Variants in PITPNM1 observed in about 807,000 individuals in gnomAD.
PITPNM1 encodes the protein membrane-associated phosphatidylinositol transfer protein 1.
In PITPNM1, 74 loss-of-function variants were observed where a neutral mutation model predicts 133.3. That is an observed-to-expected ratio of 0.56 (90% CI 0.46 to 0.67). PITPNM1 has a LOEUF of 0.67. Among genes scored for constraint, PITPNM1 ranks in the 30% least tolerant of loss-of-function variants. The pLI is 0.00. For missense variants in PITPNM1, 1,398 were observed against 1,739.5 expected (o/e 0.80, Z 3.49); for synonymous variants, 738 against 741.4 (o/e 1.00, Z 0.08).
chr11:67,500,432 C>T lies in PITPNM1; in HGVS notation c.641-11G>A, dbSNP rs557415682. The T allele has an allele frequency of 5.0e-6, 8 of 1,602,032 alleles. No homozygotes were observed. The East Asian group carries it at 1.1e-4, about 22-fold the overall frequency. ...TCACCCGACGCAGACCTGCAGGTGC[C>T]CAGGCGTCAGAACTGCCCCCTCCCC... On this transcript the variant is annotated splice_polypyrimidine_tract_variant and intron_variant, in intron 5 of 23. Coordinates refer to ENST00000356404, the MANE Select transcript of PITPNM1 (RefSeq NM_004910.3).
Position 67,495,613 on chromosome 11 carries a change from G to C in PITPNM1, c.2318-11C>G. On this transcript the variant is annotated splice_polypyrimidine_tract_variant and intron_variant, in intron 15 of 23. Transcript: ENST00000356404. ...TCTGCAGAGTGTCGGCTGGGGGAAG[G>C]AGGGCAAGGTCAGCAGGGGCCGGCC... is the stretch of plus-strand genomic sequence containing the variant. 1 of 1,559,382 alleles carries C rather than the reference G, an allele frequency of 6.4e-7. No homozygotes were observed. The highest frequency in any genetic ancestry group is 8.6e-7 in the Non-Finnish European group (1 of 1,158,910).
At chr11:67,497,189 C>G (rs780988844) in intron 14 of PITPNM1, 42 bp downstream of exon 14, 2 of 1,500,268 alleles carry the variant, frequency 1.3e-6, no homozygotes, top group South Asian at 2.5e-5. Flanking sequence ...AAGGAAGGGG[C>G]AGACAGAGAC....
chr11:67,497,811 G>A, intron 12 of PITPNM1, 106 bp downstream of exon 12: 2 of 1,458,738 alleles, frequency 1.4e-6, no homozygotes, highest in South Asian at 2.3e-5. Flanking sequence ...TGGCAGGGCA[G>A]CAGGGGGCCT....
chr11:67,502,311 C>T lies in PITPNM1; in HGVS notation c.396G>A (p.Glu132=), dbSNP rs1316492155. ...QPNVFNLSGA[E]RRQRILDTID... is the part of the protein sequence containing the mutation. ...CCTCACCCAGGATGCGCTGTCTCCTCTCGGCCCCGCTCAGGTTGAAGACGT... is the reference window on the plus strand; with the variant it reads ...CCTCACCCAGGATGCGCTGTCTCCTTTCGGCCCCGCTCAGGTTGAAGACGT... Residue 132 remains glutamate, a synonymous_variant, in exon 4 of 24, where the codon GAG becomes GAA. Transcript: ENST00000356404. The surrounding 1 kb of genome is among the most constrained non-coding windows in gnomAD (Gnocchi z 5.9). The T allele has an allele frequency of 1.2e-6, 2 of 1,613,294 alleles. No individual in the cohort carries two copies. The highest frequency in any genetic ancestry group is 1.7e-6 in the Non-Finnish European group (2 of 1,180,028).
chr11:67,496,236 T>C lies in PITPNM1; in HGVS notation c.2259A>G (p.Pro753=), dbSNP rs773221614. The change falls in exon 15 of 24, where the codon CCA becomes CCG. Residue 753 remains proline, a synonymous_variant. Coordinates refer to ENST00000356404, the MANE Select transcript of PITPNM1 (RefSeq NM_004910.3). ...ACTTCTGGTAGCGGGGCACGGTCAG[T>C]GGGGCGATGGCCTGGAACTTCGGGG... ...LLAPKFQAIA[P]LTVPRYQKFP... is the part of the protein sequence containing the mutation. The C allele has an allele frequency of 6.4e-7, 1 of 1,555,896 alleles. No individual in the cohort carries two copies. The highest frequency in any genetic ancestry group is 2.1e-5 in the Admixed American group (1 of 47,094).
At chr11:67,497,758 G>T in intron 12 of PITPNM1, 79 bp from the exon 13 acceptor site, 2 of 1,570,710 alleles carry the variant, frequency 1.3e-6, no homozygotes, top group South Asian at 1.1e-5. Context: ...GAGGAGCGAG[G>T]CTTGGGGGTT....
chr11:67,502,362 G>A lies in PITPNM1; in HGVS notation c.345C>T (p.Tyr115=), dbSNP rs942666003. Residue 115 remains tyrosine (Y), a synonymous_variant, in exon 4 of 24, where the codon TAC becomes TAT. Coordinates refer to ENST00000356404, the MANE Select transcript of PITPNM1 (RefSeq NM_004910.3). The surrounding 1 kb of genome is among the most constrained non-coding windows in gnomAD (Gnocchi z 5.9). ...EKFSIEIETY[Y]LPDGGQQPNV... is the part of the protein sequence containing the mutation. ...TTGGCTGCTGCCCCCCATCAGGCAG[G>A]TAATAGGTCTCAATTTCAATGGAGA... 6.2e-7 allele frequency: 1 copy of A among 1,613,826 alleles called. No homozygotes were observed.
At position 67,498,484 on chromosome 11, in the gene PITPNM1, G is replaced by C; in HGVS notation, c.1484+112C>G. ...GGAGCCATTCTCCAGAACAGGTCCA[G>C]CCATGCCAGTGACCGACCCAGGTGT... On this transcript the variant is annotated intron_variant, in intron 10 of 23. Transcript: ENST00000356404. The surrounding 1 kb of genome is among the most constrained non-coding windows in gnomAD (Gnocchi z 5.7). 2.0e-6 allele frequency: 3 copies of C among 1,488,614 alleles called. No individual in the cohort carries two copies. Among genetic ancestry groups the C allele is most frequent in the Middle Eastern group, 2.4e-4 (1 of 4,118 alleles). 92.2% of individuals were successfully genotyped at this position (1,488,614 alleles called of 1,614,324 possible). A position where few individuals can be genotyped will look rare whatever the true frequency, so the allele number is the denominator to read the frequency against.
In PITPNM1 at chr11:67,502,462, C is replaced by T. The variant is rs112520929; in HGVS notation, c.293+42G>A. On this transcript the variant is annotated intron_variant, in intron 3 of 23. Transcript: ENST00000356404. The surrounding 1 kb of genome is among the most constrained non-coding windows in gnomAD (Gnocchi z 5.9). ...CTCACTGCTGTACCCACCAGGGCCG[C>T]TCCCCTCCTGGCCTCGGACCATGCC... 789 of 1,613,598 alleles carry T rather than the reference C, an allele frequency of 4.9e-4. 5 individuals carry two copies. In the African/African-American group the frequency reaches 9.6e-3, roughly 20 times the overall value.
Position 67,500,249 on chromosome 11 carries a change from G to C in PITPNM1, c.813C>G (p.Pro271=), listed in dbSNP as rs150292607. The stretch of plus-strand genomic sequence containing the variant: ...ACCGGGCCTCGGTGCTCGGTTTCCC[G>C]GGGGGCTGGGCCTCGGACCCCTCAC... The part of the protein sequence containing the change: ...TGSEGSEAQP[P]GKPSTEARSA... The change falls in exon 6 of 24, where the codon CCC becomes CCG. Residue 271 remains proline (P), a synonymous_variant. Transcript: ENST00000356404. 116 of 1,606,094 alleles carry C rather than the reference G, an allele frequency of 7.2e-5. No homozygotes were observed. The highest frequency in any genetic ancestry group is 8.9e-5 in the Non-Finnish European group (105 of 1,179,776).
rs1422162462 is a variant in PITPNM1, at chr11:67,498,952, G to A, written c.1221C>T (p.Pro407=). 6.2e-7 allele frequency: 1 copy of A among 1,612,710 alleles called. No homozygotes were observed. The highest frequency in any genetic ancestry group is 1.3e-5 in the African/African-American group (1 of 74,886). Residue 407 remains proline (P), a synonymous_variant, in exon 9 of 24, where the codon CCC becomes CCT. Transcript: ENST00000356404. The surrounding 1 kb of genome is among the most constrained non-coding windows in gnomAD (Gnocchi z 5.7). The part of the protein sequence containing the change: ...AKGIEDGAQA[P]RDSEGLDGAG... ...TGACCATACTCGCCTCTGAGTCCCT[G>A]GGTGCTTGGGCCCCATCCTCAATGC...
In PITPNM1 at chr11:67,505,329, C is replaced by A. The variant is rs1866466563; in HGVS notation, c.-183G>T. 6.6e-6 allele frequency: 1 copy of A among 151,908 alleles called. No individual in the cohort carries two copies. The allele number at this position is 151,908 out of a possible 1,614,324, so 9.4% of individuals were successfully genotyped here. ...CGAGGCGCAGTGCCGGCCCATGGCC[C>A]CGACCTTCCTCTCGATCCGCCCGCC... On this transcript the variant is annotated 5_prime_UTR_variant, in exon 1 of 24. Transcript: ENST00000356404. The surrounding 1 kb of genome is among the most constrained non-coding windows in gnomAD (Gnocchi z 5.8).
chr11:67,492,988 C>A lies in PITPNM1; in HGVS notation c.3417G>T (p.Pro1139=), dbSNP rs200324325. ...CACGGCCCACGATGTAGGTCTGGCT[C>A]GGGGACAGCCCCAGCGCCGCGTATA... ...VAVYAALGLS[P]SQTYIVGRAV... is the part of the protein sequence containing the mutation. Residue 1139 remains proline (P), a synonymous_variant, in exon 23 of 24, where the codon CCG becomes CCT. Transcript: ENST00000356404. 11 of 1,612,886 alleles carry A rather than the reference C, an allele frequency of 6.8e-6. No individual in the cohort carries two copies. The highest frequency in any genetic ancestry group is 9.3e-6 in the Non-Finnish European group (11 of 1,179,962).
chr11:67,502,043 G>A lies in PITPNM1; in HGVS notation c.459C>T (p.Tyr153=), dbSNP rs770167479. ...IVRDAVAPGE[Y]KAEEDPRLYH... ...AAAGCCGGGGGTCCTCTTCTGCTTT[G>A]TACTCGCCTGGGGCCACTGCATCCC... The change falls in exon 5 of 24, where the codon TAC becomes TAT. Residue 153 remains tyrosine (Y), a synonymous_variant. Transcript: ENST00000356404. The surrounding 1 kb of genome is among the most constrained non-coding windows in gnomAD (Gnocchi z 5.9). The A allele has an allele frequency of 6.2e-7, 1 of 1,613,324 alleles. No homozygotes were observed. Among genetic ancestry groups the A allele is most frequent in the Admixed American group, 1.7e-5 (1 of 60,020 alleles).
At chr11:67,494,420 G>A (rs1315430230) in intron 18 of PITPNM1, 60 bp from the exon 19 acceptor site, 10 of 1,246,460 alleles carry the variant, frequency 8.0e-6, no homozygotes, top group Admixed American at 4.6e-5. Context: ...CTTGGGGAGG[G>A]GGAGCGGGTG....
rs527715728 is a variant in PITPNM1, at chr11:67,491,823, C to T, written c.*210G>A. Reference sequence around the variant, plus strand: ...TTTATACACACTGGAAAAGCCTCTGCGCCCATGCCCACGCCCTCCTCCCTC... The same window carrying T: ...TTTATACACACTGGAAAAGCCTCTGTGCCCATGCCCACGCCCTCCTCCCTC... On this transcript the variant is annotated 3_prime_UTR_variant, in exon 24 of 24. Coordinates refer to ENST00000356404, the MANE Select transcript of PITPNM1 (RefSeq NM_004910.3). 2.4e-5 allele frequency: 14 copies of T among 595,686 alleles called. No homozygotes were observed. The highest frequency in any genetic ancestry group is 2.3e-4 in the East Asian group (8 of 35,224). The allele number at this position is 595,686 out of a possible 1,614,324, so 36.9% of individuals were successfully genotyped here.
At chr11:67,500,041 C>G in intron 6 of PITPNM1, 32 bp from the exon 7 acceptor site, 1 of 1,608,782 alleles carries the variant, frequency 6.2e-7, no homozygotes, top group Non-Finnish European at 8.5e-7. Flanking sequence ...AGCCTCAGCC[C>G]AGGAGCCCAG....
chr11:67,499,284 C>A (rs1746358925), intron 8 of PITPNM1, among the ~76,000 whole-genome samples: 1 of 152,078 alleles, frequency 6.6e-6, no homozygotes, highest in Non-Finnish European at 1.5e-5. Flanking sequence ...CTACAAGTGG[C>A]CATTTAAATT....
At chr11:67,494,133 C>A in intron 19 of PITPNM1, 63 bp from the exon 20 acceptor site, 1 of 1,567,436 alleles carries the variant, frequency 6.4e-7, no homozygotes, top group Non-Finnish European at 8.7e-7. Flanking sequence ...AGAGGCGGGG[C>A]TGTCGTCGGG....
Sources: allele counts gnomAD v4.1 joint callset (sites outside exome capture counted in the v4.1 genomes callset), GRCh38; gene constraint gnomAD v4.1.1; non-coding constraint Gnocchi (gnomAD v3.1); transcripts MANE v1.5; gene names NCBI Gene and HGNC (gene_info 2026-07-23, HGNC 2026-07-21).